Variants in TRIM3 observed in about 807,000 individuals in gnomAD.
The protein encoded by TRIM3 is tripartite motif-containing protein 3.
Under a neutral mutation model 66.6 loss-of-function variants are expected in TRIM3, and 13 were observed. That is an observed-to-expected ratio of 0.20 (90% CI 0.13 to 0.31). The LOEUF is 0.31. Ranked by LOEUF, TRIM3 falls within the 10% of genes least tolerant of loss-of-function variation. The probability of loss-of-function intolerance (pLI) is 1.00; values close to 1 mark genes in which losing one functional copy is unlikely to be tolerated. For missense variants in TRIM3, 711 were observed against 1,020.4 expected, an observed-to-expected ratio of 0.70 and a Z score of 4.13; for synonymous variants, 406 against 411.7, an observed-to-expected ratio of 0.99 and a Z score of 0.17.
intron 1 of TRIM3, among the ~76,000 whole-genome samples, chr11:6,468,813 T>A (rs1161429819): frequency 6.6e-6 from 1 of 152,190 alleles, no homozygotes; most frequent in Non-Finnish European, 1.5e-5. Flanking sequence ...GTCACCATTG[T>A]CTGTGCTGTT....
At position 6,456,751 on chromosome 11, in the gene TRIM3, C is replaced by A; in HGVS notation, c.975G>T (p.Thr325=). Residue 325 remains threonine, a synonymous_variant, in exon 6 of 12, where the codon ACG becomes ACT. Transcript: ENST00000345851. The surrounding 1 kb of genome is among the most constrained non-coding windows in gnomAD (Gnocchi z 6.4). The part of the protein sequence containing the change: ...LLTTSATAHE[T]VATGEGLRQA... The stretch of plus-strand genomic sequence containing the variant: ...GGCGCAGGCCCTCTCCCGTGGCCAC[C>A]GTTTCGTGTGCAGTGGCGCTCGTGG... The A allele has an allele frequency of 6.2e-7, 1 of 1,611,376 alleles. No individual in the cohort carries two copies. Among genetic ancestry groups the A allele is most frequent in the Non-Finnish European group, 8.5e-7 (1 of 1,179,844 alleles).
Position 6,458,104 on chromosome 11 carries a change from C to CACT in TRIM3, c.321_323dup (p.Val108dup). The stretch of plus-strand genomic sequence containing the variant: ...TGGGGCAGGAGAGAGGGCGGCCAGC[C>CACT]ACTACACTGAGGGGGTGGGGGTCCT... On this transcript the variant is annotated inframe_insertion, in exon 3 of 12. Coordinates refer to ENST00000345851, the MANE Select transcript of TRIM3 (RefSeq NM_033278.4). The surrounding 1 kb of genome is among the most constrained non-coding windows in gnomAD (Gnocchi z 6.2). 6.2e-7 allele frequency: 1 copy of CACT among 1,613,028 alleles called. No individual in the cohort carries two copies. The highest frequency in any genetic ancestry group is 1.1e-5 in the South Asian group (1 of 91,020).
chr11:6,469,737 T>C (rs1375242520), intron 1 of TRIM3, among the ~76,000 whole-genome samples: 2 of 152,078 alleles, frequency 1.3e-5, no homozygotes, highest in Non-Finnish European at 2.9e-5. Context: ...ATTACTGCAA[T>C]GTAAAGTGGT....
Position 6,450,517 on chromosome 11 carries a change from G to C in TRIM3, c.1941+34C>G. The C allele has an allele frequency of 6.3e-7, 1 of 1,584,654 alleles. No individual in the cohort carries two copies. Among genetic ancestry groups the C allele is most frequent in the Non-Finnish European group, 8.7e-7 (1 of 1,153,048 alleles). ...TCTTGTGGAAGAGGAAAGGATGTTG[G>C]GACAGTGGTCACGGAGGGAGGGAAG... On this transcript the variant is annotated intron_variant, in intron 10 of 11. Transcript: ENST00000345851. The surrounding 1 kb of genome is among the most constrained non-coding windows in gnomAD (Gnocchi z 4.8).
chr11:6,465,138 G>A (rs574387700), intron 2 of TRIM3, among the ~76,000 whole-genome samples: 1 of 152,150 alleles, frequency 6.6e-6, no homozygotes, highest in Non-Finnish European at 1.5e-5. Context: ...GAAGCCTAGA[G>A]GCTGGGACAG....
chr11:6,451,668 C>A, intron 7 of TRIM3: 1 of 545,684 alleles, frequency 1.8e-6, no homozygotes, highest in Non-Finnish European at 3.3e-6. Context: ...TGAGAAAAGG[C>A]TCCAAGAGAA....
Position 6,456,807 on chromosome 11 carries a change from G to T in TRIM3, c.919C>A (p.Arg307=). ...AGTGCGCCCAGATTGAGCACCGATC[G>T]CCGCAGACCGTCCACCTCAAGGACC... ...ELVLEVDGLR[R]SVLNLGALLT... The change falls in exon 6 of 12, where the codon CGA becomes AGA. Residue 307 remains arginine (R), a synonymous_variant. Transcript: ENST00000345851. This position sits in a 1 kb window ranked among gnomAD's most constrained non-coding sequence, Gnocchi z 6.4. 6.2e-7 allele frequency: 1 copy of T among 1,612,626 alleles called. No homozygotes were observed.
intron 8 of TRIM3, 25 bp from the exon 9 acceptor site, chr11:6,451,085 A>T (rs1849698620): frequency 1.2e-6 from 2 of 1,612,792 alleles, no homozygotes; most frequent in Admixed American, 3.3e-5. Flanking sequence ...TATCCATAAG[A>T]GGCTTTATTC....
In TRIM3 at chr11:6,457,900, C is replaced by A; in HGVS notation, c.364-53G>T. On this transcript the variant is annotated intron_variant, in intron 3 of 11. Transcript: ENST00000345851. The surrounding 1 kb of genome is among the most constrained non-coding windows in gnomAD (Gnocchi z 4.5). The stretch of plus-strand genomic sequence containing the variant: ...ATGGCTAGACATCACACTTCTTTGT[C>A]CCCTCCCCACCTGCCCTCCCTGCCC... The A allele has an allele frequency of 6.2e-7, 1 of 1,603,750 alleles. No individual in the cohort carries two copies. Among genetic ancestry groups the A allele is most frequent in the Non-Finnish European group, 8.5e-7 (1 of 1,173,190 alleles).
At chr11:6,454,327 G>A (rs1294981242) in intron 7 of TRIM3, among the ~76,000 whole-genome samples, 1 of 151,160 alleles carries the variant, frequency 6.6e-6, no homozygotes, top group Non-Finnish European at 1.5e-5. Context: ...GGAGGTCAAG[G>A]CTGCAGTGAG....
intron 2 of TRIM3, 70 bp downstream of exon 2, chr11:6,465,495 C>T (rs1490518554): frequency 6.3e-7 from 1 of 1,592,458 alleles, no homozygotes; most frequent in Non-Finnish European, 8.6e-7. Flanking sequence ...CTCACCCTCC[C>T]CACAGGGGAG....
intron 1 of TRIM3, among the ~76,000 whole-genome samples, chr11:6,466,014 T>A (rs1465065937): frequency 6.6e-6 from 1 of 152,238 alleles, no homozygotes; most frequent in African/African-American, 2.4e-5. Flanking sequence ...AGTCTCTTAA[T>A]TTGTAATTAC....
At chr11:6,454,006 G>A (rs577687831) in intron 7 of TRIM3, among the ~76,000 whole-genome samples, 103 of 152,274 alleles carry the variant, frequency 6.8e-4, no homozygotes, top group African/African-American at 2.4e-3. Context: ...AGAAGCAAGA[G>A]GAGGACTGCT....
chr11:6,456,525 A>G lies in TRIM3; in HGVS notation c.1201T>C (p.Ser401Pro), dbSNP rs1484411988. The change falls in exon 6 of 12, where the codon TCG becomes CCG. Residue 401 changes from serine to proline, a missense_variant. Transcript: ENST00000345851. The surrounding 1 kb of genome is among the most constrained non-coding windows in gnomAD (Gnocchi z 6.4). ...TARTEGELLL[S>P]VLLYGQPVRG... ...ACTGGCTGTCCGTAGAGCAGCACCG[A>G]GAGGAGCAGCTCGCCTTCCGTGCGC... The G allele has an allele frequency of 6.3e-7, 1 of 1,592,296 alleles. No individual in the cohort carries two copies. The highest frequency in any genetic ancestry group is 8.6e-7 in the Non-Finnish European group (1 of 1,164,192).
chr11:6,458,272 G>A lies in TRIM3; in HGVS notation c.156C>T (p.Ala52=). 6.2e-7 allele frequency: 1 copy of A among 1,613,990 alleles called. No homozygotes were observed. The highest frequency in any genetic ancestry group is 8.5e-7 in the Non-Finnish European group (1 of 1,179,878). The stretch of plus-strand genomic sequence containing the variant: ...CTGGACAGGATAGCGTCAGGCTCTG[G>A]GCAGGGATATAGTTTTGGAGACATC... ...CERCLQNYIP[A]QSLTLSCPVC... The change falls in exon 3 of 12, where the codon GCC becomes GCT. Residue 52 remains alanine (A), a synonymous_variant. Coordinates refer to ENST00000345851, the MANE Select transcript of TRIM3 (RefSeq NM_033278.4). This position sits in a 1 kb window ranked among gnomAD's most constrained non-coding sequence, Gnocchi z 6.2.
chr11:6,457,796 G>T lies in TRIM3; in HGVS notation c.415C>A (p.Arg139Ser). Residue 139 changes from arginine (R) to serine (S), a missense_variant, in exon 4 of 12, where the codon CGC (arginine) becomes AGC (serine). Arg to Ser is a moderately radical substitution (Grantham distance 110). Around this residue, in one of 3 missense-constraint regions of TRIM3, gnomAD observed 149 missense variants for 240.3 expected, o/e 0.62. Coordinates refer to ENST00000345851, the MANE Select transcript of TRIM3 (RefSeq NM_033278.4). This position sits in a 1 kb window ranked among gnomAD's most constrained non-coding sequence, Gnocchi z 4.5. ...ACETAMCGEC[R>S]AGEHREHGTV... ...CCATGCTCACGATGCTCCCCGGCGCGGCACTCACCACACATGGCCGTCTCA... is the reference window on the plus strand; with the variant it reads ...CCATGCTCACGATGCTCCCCGGCGCTGCACTCACCACACATGGCCGTCTCA... 6.2e-7 allele frequency: 1 copy of T among 1,614,146 alleles called. No individual in the cohort carries two copies. Among genetic ancestry groups the T allele is most frequent in the Non-Finnish European group, 8.5e-7 (1 of 1,180,018 alleles).
At chr11:6,460,315 A>G (rs1850171034) in intron 2 of TRIM3, among the ~76,000 whole-genome samples, 2 of 152,188 alleles carry the variant, frequency 1.3e-5, no homozygotes, top group Non-Finnish European at 2.9e-5. Flanking sequence ...AGTTGAGTGA[A>G]GGGGAGCTTG....
rs114241674 is a variant in TRIM3, at chr11:6,451,334, G to C, written c.1638C>G (p.Asp546Glu). ...GGTTGTCATAGTCTGCCACAATTAT[G>C]TCTCCATTGGTGTCCACTGCCACAC... is the stretch of plus-strand genomic sequence containing the variant. Reference protein sequence around the residue: ...PTGVAVDTNGDIIVADYDNRW... With the variant: ...PTGVAVDTNGEIIVADYDNRW... Residue 546 changes from aspartate to glutamate, a missense_variant, in exon 8 of 12, where the codon GAC becomes GAG. Transcript: ENST00000345851. 5 of 1,614,226 alleles carry C rather than the reference G, an allele frequency of 3.1e-6. No homozygotes were observed. Among genetic ancestry groups the C allele is most frequent in the Non-Finnish European group, 4.2e-6 (5 of 1,180,042 alleles).
rs777787585 is a variant in TRIM3, at chr11:6,449,372, G to T, written c.2016C>A (p.Pro672=). 9 of 1,614,120 alleles carry T rather than the reference G, an allele frequency of 5.6e-6. No homozygotes were observed. The South Asian group carries it at 8.8e-5, about 16-fold the overall frequency. ...CATTGGAGTCCACAGCTACTCCTGTGGGGGCATTGAACTGCCCATTGCCCT... is the reference window on the plus strand; with the variant it reads ...CATTGGAGTCCACAGCTACTCCTGTTGGGGCATTGAACTGCCCATTGCCCT... ...HGEGNGQFNA[P]TGVAVDSNGN... is the part of the protein sequence containing the mutation. The change falls in exon 11 of 12, where the codon CCC becomes CCA. Residue 672 remains proline, a synonymous_variant. Transcript: ENST00000345851. The surrounding 1 kb of genome is among the most constrained non-coding windows in gnomAD (Gnocchi z 5.3).
Sources: allele counts gnomAD v4.1 joint callset (sites outside exome capture counted in the v4.1 genomes callset), GRCh38; gene constraint gnomAD v4.1.1; regional missense constraint gnomAD v4.1.1; non-coding constraint Gnocchi (gnomAD v3.1); transcripts MANE v1.5; gene names NCBI Gene and HGNC (gene_info 2026-07-23, HGNC 2026-07-21).